The following STON2 variants were observed in gnomAD, a reference collection of about 807,000 sequenced individuals.
The protein encoded by STON2 is stonin-2.
Under a neutral mutation model 65.7 loss-of-function variants are expected in STON2, and 29 were observed. That is an observed-to-expected ratio of 0.44 (90% CI 0.33 to 0.60). STON2 has a LOEUF of 0.60. Ranked by LOEUF, STON2 falls within the 20% of genes least tolerant of loss-of-function variation. The pLI, the probability that STON2 is intolerant of heterozygous loss-of-function variation, is 0.03. For synonymous variants in STON2, 404 were observed against 414.2 expected (o/e 0.98, Z 0.30); for missense variants, 1,054 against 1,118.1 (o/e 0.94, Z 0.82).
chr14:81,346,662 G>C (rs1289741522), intron 4 of STON2, among the ~76,000 whole-genome samples: 1 of 152,134 alleles, frequency 6.6e-6, no homozygotes, highest in East Asian at 1.9e-4. Context: ...CTCCAGGATA[G>C]ACCCTATGTT....
In STON2 at chr14:81,265,377, C is replaced by T. The variant is rs1176155583; in HGVS notation, c.*3037G>A. 5.1e-6 allele frequency: 5 copies of T among 982,144 alleles called. No homozygotes were observed. Among genetic ancestry groups the T allele is most frequent in the Non-Finnish European group, 6.0e-6 (5 of 827,232 alleles). The allele number at this position is 982,144 out of a possible 1,614,324, so 60.8% of individuals were successfully genotyped here. A position where few individuals can be genotyped will look rare whatever the true frequency, so the allele number is the denominator to read the frequency against. ...AAAAATTAATAATAATTTGTGGGTC[C>T]AGCATGGTGGCTCACGCCTGTAATC... is the stretch of plus-strand genomic sequence containing the variant. On this transcript the variant is annotated 3_prime_UTR_variant, in exon 8 of 8. Transcript: ENST00000614646.
At chr14:81,354,793 C>T (rs1205084944) in intron 4 of STON2, among the ~76,000 whole-genome samples, 3 of 151,992 alleles carry the variant, frequency 2.0e-5, no homozygotes, top group African/African-American at 7.2e-5. Flanking sequence ...CCAAGGAGGG[C>T]GGATCATGAG....
intron 4 of STON2, among the ~76,000 whole-genome samples, chr14:81,359,914 C>T (rs1199476788): frequency 6.6e-6 from 1 of 152,040 alleles, no homozygotes; most frequent in Non-Finnish European, 1.5e-5. Flanking sequence ...AAGAAAAGTC[C>T]CAATGGCTTT....
chr14:81,406,930 C>A (rs1269823948), intron 2 of STON2, among the ~76,000 whole-genome samples: 1 of 152,182 alleles, frequency 6.6e-6, no homozygotes, highest in Non-Finnish European at 1.5e-5. Flanking sequence ...CCCTGTCCTG[C>A]AGATTCCAGC....
intron 5 of STON2, among the ~76,000 whole-genome samples, chr14:81,306,924 A>T (rs1957544): frequency 0.79 from 119,850 of 152,228 alleles, 47,336 homozygotes; most frequent in African/African-American, 0.8. Context: ...CACTATAGCA[A>T]CAAGCACTGA....
chr14:81,336,568 C>G lies in STON2; in HGVS notation c.572-12381G>C, dbSNP rs140825873. On this transcript the variant is annotated intron_variant, in intron 4 of 7. Coordinates refer to ENST00000614646, the MANE Select transcript of STON2 (RefSeq NM_001394390.1). ...TGCATGGAGGGTGGTAGAAGTGGAC[C>G]CTGCTGGTTTGTGGGAAAATGTGGA... is the stretch of plus-strand genomic sequence containing the variant. Among the ~76,000 whole-genome samples the G allele has an allele frequency of 1.1e-4, 16 of 151,868 alleles. No homozygotes were observed. In the East Asian group the frequency reaches 2.9e-3, roughly 28 times the overall value.
chr14:81,270,717 T>C lies in STON2; in HGVS notation c.2737A>G (p.Thr913Ala), dbSNP rs1291479078. Residue 913 changes from threonine to alanine, a missense_variant, in exon 7 of 8, where the codon ACT becomes GCT. Thr to Ala is a moderately conservative substitution (Grantham distance 58, BLOSUM62 0). Transcript: ENST00000614646. ...SVRSISVEDK[T>A]DVRKWVNYSA... ...TAATTGACCCACTTCCTGACGTCAG[T>C]CTTGTCTTCTACAGAGATAGATCTC... 2 of 1,614,154 alleles carry C rather than the reference T, an allele frequency of 1.2e-6. No individual in the cohort carries two copies. The highest frequency in any genetic ancestry group is 1.7e-6 in the Non-Finnish European group (2 of 1,180,030).
intron 2 of STON2, among the ~76,000 whole-genome samples, chr14:81,415,544 C>T (rs1901386201): frequency 1.3e-5 from 2 of 151,800 alleles, no homozygotes; most frequent in Admixed American, 1.3e-4. Context: ...GTGGTGCACA[C>T]CTGTAGTCCC....
intron 2 of STON2, among the ~76,000 whole-genome samples, chr14:81,406,217 C>T (rs544085835): frequency 6.6e-6 from 1 of 152,286 alleles, no homozygotes; most frequent in African/African-American, 2.4e-5. Context: ...GGGACTTCAC[C>T]TTGTGATCAA....
chr14:81,276,753 A>G (rs942096307), intron 6 of STON2, 148 bp downstream of exon 6: 1 of 900,708 alleles, frequency 1.1e-6, no homozygotes, highest in Non-Finnish European at 1.7e-6. Context: ...ACCTTGCTCA[A>G]TTATTTTTAC....
chr14:81,409,698 A>T (rs2139853839), intron 2 of STON2, among the ~76,000 whole-genome samples: 1 of 152,228 alleles, frequency 6.6e-6, no homozygotes, highest in Non-Finnish European at 1.5e-5. Context: ...CAGAATTGGG[A>T]CAGAATTACA....
chr14:81,317,261 A>AG (rs995971719), intron 5 of STON2, among the ~76,000 whole-genome samples: 5 of 152,150 alleles, frequency 3.3e-5, no homozygotes, highest in African/African-American at 1.2e-4. Flanking sequence ...TAACACAGAG[A>AG]GGGCACCAAG....
intron 4 of STON2, among the ~76,000 whole-genome samples, chr14:81,325,669 C>A (rs1403665027): frequency 6.6e-6 from 1 of 152,000 alleles, no homozygotes; most frequent in Non-Finnish European, 1.5e-5. Flanking sequence ...TTAAAGGATA[C>A]CCGTGATGTG....
chr14:81,289,621 G>A (rs770247249), intron 5 of STON2, among the ~76,000 whole-genome samples: 4 of 152,146 alleles, frequency 2.6e-5, no homozygotes, highest in Admixed American at 6.5e-5. Context: ...TATCATCTGC[G>A]CGTGTGACAT....
At chr14:81,384,476 T>C (rs997642438) in intron 3 of STON2, among the ~76,000 whole-genome samples, 2 of 150,642 alleles carry the variant, frequency 1.3e-5, no homozygotes, top group African/African-American at 4.8e-5. Flanking sequence ...CCTCAAGTGA[T>C]CTGCCCGCCT....
At chr14:81,333,743 C>T (rs545582586) in intron 4 of STON2, among the ~76,000 whole-genome samples, 8 of 152,318 alleles carry the variant, frequency 5.3e-5, no homozygotes, top group African/African-American at 1.7e-4. Context: ...ATGCTGAATT[C>T]ATATTCCACT....
intron 2 of STON2, among the ~76,000 whole-genome samples, chr14:81,424,914 T>C (rs1901892975): frequency 6.6e-6 from 1 of 152,196 alleles, no homozygotes; most frequent in Admixed American, 6.5e-5. Context: ...CCTCTCCCAT[T>C]TAGAGACAGT....
rs1894320516 is a variant in STON2, at chr14:81,265,495, A to G, written c.*2919T>C. 1 of 355,588 alleles carries G rather than the reference A, an allele frequency of 2.8e-6. No homozygotes were observed. The highest frequency in any genetic ancestry group is 2.2e-5 in the African/African-American group (1 of 45,194). The allele number at this position is 355,588 out of a possible 1,614,324, so 22.0% of individuals were successfully genotyped here. A position where few individuals can be genotyped will look rare whatever the true frequency, so the allele number is the denominator to read the frequency against. ...CATGGTGAAACCCCATCTCTACTAA[A>G]AATACATAAATTAGTGGTGCATGGT... On this transcript the variant is annotated 3_prime_UTR_variant, in exon 8 of 8. Transcript: ENST00000614646.
At chr14:81,343,231 A>G (rs1474776159) in intron 4 of STON2, among the ~76,000 whole-genome samples, 2 of 152,192 alleles carry the variant, frequency 1.3e-5, no homozygotes, top group African/African-American at 4.8e-5. Flanking sequence ...AAAGTGAAAA[A>G]TGCCCCCCAA....
Sources: gnomAD v4.1 joint callset for allele counts (sites outside exome capture counted in the v4.1 genomes callset) on GRCh38, gnomAD v4.1.1 for gene constraint, MANE v1.5 for transcripts, NCBI Gene and HGNC (gene_info 2026-07-23, HGNC 2026-07-21) for gene names.